ANKS1B: variants seen among roughly 807,000 people sequenced by gnomAD.
ANKS1B encodes the protein ankyrin repeat and sterile alpha motif domain containing 1B.
Under a neutral mutation model 148.3 loss-of-function variants are expected in ANKS1B, and 36 were observed. That is an observed-to-expected ratio of 0.24 (90% CI 0.19 to 0.32). The LOEUF is 0.32. ANKS1B is among the 10% of genes least tolerant of loss of function. The probability of loss-of-function intolerance (pLI) is 1.00; values close to 1 mark genes in which losing one functional copy is unlikely to be tolerated. For missense variants in ANKS1B, 1,157 were observed against 1,542.6 expected (o/e 0.75, Z 4.19); for synonymous variants, 542 against 560.8 (o/e 0.97, Z 0.47).
In ANKS1B at chr12:99,567,360, T is replaced by C. The variant is rs545255313; in HGVS notation, c.1273-62719A>G. 2.0e-5 allele frequency among the ~76,000 whole-genome samples: 3 copies of C among 152,250 alleles called. No individual in the cohort carries two copies. The South Asian group carries it at 6.2e-4, about 32-fold the overall frequency. On this transcript the variant is annotated intron_variant, in intron 9 of 26. Coordinates refer to ENST00000683438, the MANE Select transcript of ANKS1B (RefSeq NM_001352186.2). ...CTTAAATCCAACTGACTGGGGGCCT[T>C]AGTTACATGCAAAAAGCCTTTTATA... is the stretch of plus-strand genomic sequence containing the variant.
chr12:99,371,351 G>T (rs904699943), intron 12 of ANKS1B, among the ~76,000 whole-genome samples: 1 of 152,116 alleles, frequency 6.6e-6, no homozygotes, highest in African/African-American at 2.4e-5. Flanking sequence ...GTGATAGTTT[G>T]ATGGAGGAAG....
At chr12:99,218,262 T>A (rs1030645223) in intron 14 of ANKS1B, among the ~76,000 whole-genome samples, 1 of 152,222 alleles carries the variant, frequency 6.6e-6, no homozygotes, top group African/African-American at 2.4e-5. Context: ...TTGATTGACA[T>A]TTCTCCCTAA....
intron 14 of ANKS1B, among the ~76,000 whole-genome samples, chr12:99,206,370 T>A (rs896756058): frequency 6.6e-6 from 1 of 152,200 alleles, no homozygotes; most frequent in Non-Finnish European, 1.5e-5. Flanking sequence ...ATGGCCATTA[T>A]ATAGCATGTT....
At chr12:98,919,432 T>A (rs2099798517) in intron 17 of ANKS1B, among the ~76,000 whole-genome samples, 1 of 152,192 alleles carries the variant, frequency 6.6e-6, no homozygotes, top group Admixed American at 6.5e-5. Flanking sequence ...GGAGATGCCA[T>A]CATTTGTGCT....
At chr12:99,657,380 C>G (rs1384563608) in intron 8 of ANKS1B, among the ~76,000 whole-genome samples, 1 of 152,128 alleles carries the variant, frequency 6.6e-6, no homozygotes, top group African/African-American at 2.4e-5. Flanking sequence ...TGAAAAACCA[C>G]ACTGATGTAA....
intron 14 of ANKS1B, among the ~76,000 whole-genome samples, chr12:99,155,462 T>C (rs1012281756): frequency 6.6e-6 from 1 of 152,176 alleles, no homozygotes; most frequent in African/African-American, 2.4e-5. Context: ...GAAATCCTTT[T>C]TCCCCTCTGA....
chr12:99,487,498 G>C (rs1319220604), intron 10 of ANKS1B, among the ~76,000 whole-genome samples: 1 of 152,070 alleles, frequency 6.6e-6, no homozygotes, highest in Non-Finnish European at 1.5e-5. Flanking sequence ...GAACAATTGG[G>C]TCAGGCAAAA....
chr12:98,944,301 A>T (rs2099841716), intron 17 of ANKS1B, among the ~76,000 whole-genome samples: 1 of 105,070 alleles, frequency 9.5e-6, no homozygotes, highest in Non-Finnish European at 1.8e-5. Context: ...ACTCCACCTC[A>T]CAAAAAAAAA....
chr12:98,894,884 G>GCGCGCCCCCCACTGCC (rs1489191528), intron 17 of ANKS1B: 1 of 975,806 alleles, frequency 1.0e-6, no homozygotes, highest in Non-Finnish European at 1.2e-6. Context: ...GGGCCCGCGC[G>GCGCGCCCCCCACTGCC]CGCGCCCCCC....
chr12:99,797,613 T>C (rs2066408155), intron 4 of ANKS1B, among the ~76,000 whole-genome samples: 1 of 151,790 alleles, frequency 6.6e-6, no homozygotes, highest in Non-Finnish European at 1.5e-5. Flanking sequence ...TTTCAAAACT[T>C]ATCCAGTAAC....
intron 12 of ANKS1B, among the ~76,000 whole-genome samples, chr12:99,294,657 C>T (rs1414729305): frequency 1.3e-5 from 2 of 151,460 alleles, no homozygotes; most frequent in Admixed American, 1.3e-4. Context: ...AATTATTGCA[C>T]TTCTTTTTTT....
At chr12:99,575,097 G>A (rs1285718050) in intron 9 of ANKS1B, among the ~76,000 whole-genome samples, 1 of 152,062 alleles carries the variant, frequency 6.6e-6, no homozygotes, top group Non-Finnish European at 1.5e-5. Context: ...ATATATATCA[G>A]TAAACCATTG....
In ANKS1B at chr12:99,589,595, C is replaced by T. The variant is rs74960223; in HGVS notation, c.1272+65472G>A. 1.4e-4 allele frequency among the ~76,000 whole-genome samples: 22 copies of T among 152,168 alleles called. 1 individual carries two copies. In the East Asian group the frequency reaches 4.3e-3, roughly 29 times the overall value. On this transcript the variant is annotated intron_variant, in intron 9 of 26. Coordinates refer to ENST00000683438, the MANE Select transcript of ANKS1B (RefSeq NM_001352186.2). The stretch of plus-strand genomic sequence containing the variant: ...CTTAACTTTCTGGAAAACAACTTGG[C>T]AATCTATACAAAAGCCTTAAAAAAG...
intron 12 of ANKS1B, among the ~76,000 whole-genome samples, chr12:99,321,595 C>A (rs913232733): frequency 1.3e-5 from 2 of 152,192 alleles, no homozygotes; most frequent in African/African-American, 4.8e-5. Flanking sequence ...TTTCCAGGTA[C>A]CATCTGTCAT....
chr12:99,702,726 G>GTTGAGGCAGAGTTTCCCTATGTTGCC (rs1555555186), intron 8 of ANKS1B, among the ~76,000 whole-genome samples: 1 of 116,564 alleles, frequency 8.6e-6, no homozygotes. Context: ...TTTTTTTTTT[G>GTTGAGGCAGAGTTTCCCTATGTTGCC]TAGAGGCAGA....
At chr12:98,781,933 T>C (rs2098741154) in intron 23 of ANKS1B, among the ~76,000 whole-genome samples, 193 bp downstream of exon 23, 1 of 152,224 alleles carries the variant, frequency 6.6e-6, no homozygotes, top group Admixed American at 6.5e-5. Flanking sequence ...GTGATAGATG[T>C]TCACACTGGC....
chr12:98,846,938 T>C (rs1314784898), intron 17 of ANKS1B, among the ~76,000 whole-genome samples: 2 of 152,238 alleles, frequency 1.3e-5, no homozygotes, highest in South Asian at 2.1e-4. Flanking sequence ...TAAACCACTT[T>C]ATTCCAGTAT....
At chr12:98,759,466 T>C (rs563130694) in intron 25 of ANKS1B, among the ~76,000 whole-genome samples, 14 of 152,250 alleles carry the variant, frequency 9.2e-5, no homozygotes, top group African/African-American at 3.4e-4. Context: ...CCCGCATCCT[T>C]GTCCCCGAGG....
chr12:98,901,831 G>T (rs2077025886), intron 17 of ANKS1B, among the ~76,000 whole-genome samples: 1 of 152,132 alleles, frequency 6.6e-6, no homozygotes, highest in Admixed American at 6.5e-5. Flanking sequence ...GCTATTGGTG[G>T]TGAATGTCCA....
Sources: gnomAD v4.1 joint callset for allele counts (sites outside exome capture counted in the v4.1 genomes callset) on GRCh38, gnomAD v4.1.1 for gene constraint, MANE v1.5 for transcripts, NCBI Gene and HGNC (gene_info 2026-07-23, HGNC 2026-07-21) for gene names.